HKDC1: variants seen among roughly 807,000 people sequenced by gnomAD.
The protein encoded by HKDC1 is hexokinase HKDC1.
In HKDC1, 66 loss-of-function variants were observed where a neutral mutation model predicts 96.6. That is an observed-to-expected ratio of 0.68 (90% CI 0.56 to 0.84). The LOEUF is 0.84. Ranked by LOEUF, HKDC1 falls within the 40% of genes least tolerant of loss-of-function variation. The pLI, the probability that HKDC1 is intolerant of heterozygous loss-of-function variation, is 0.00. For missense variants in HKDC1, 1,211 were observed against 1,208.1 expected, an observed-to-expected ratio of 1.00 and a Z score of -0.04; for synonymous variants, 466 against 473.1, an observed-to-expected ratio of 0.98 and a Z score of 0.20.
At chr10:69,249,488 A>AT (rs1457524817) in intron 10 of HKDC1, among the ~76,000 whole-genome samples, 3 of 152,040 alleles carry the variant, frequency 2.0e-5, no homozygotes, top group African/African-American at 7.2e-5. Context: ...GACACTGTTT[A>AT]TTTTATTTTT....
intron 13 of HKDC1, 50 bp downstream of exon 13, chr10:69,257,181 C>A: frequency 6.5e-7 from 1 of 1,540,030 alleles, no homozygotes. Flanking sequence ...CTTCCCCAGG[C>A]CCCTCTGCTC....
intron 1 of HKDC1, among the ~76,000 whole-genome samples, chr10:69,220,847 T>C (rs1274501310): frequency 6.6e-6 from 1 of 152,074 alleles, no homozygotes; most frequent in African/African-American, 2.4e-5. Context: ...CAAAGAAGTT[T>C]TAAGAACTGT....
chr10:69,221,866 G>A (rs1427860125), intron 1 of HKDC1, among the ~76,000 whole-genome samples: 3 of 151,834 alleles, frequency 2.0e-5, no homozygotes, highest in Admixed American at 6.6e-5. Context: ...CCGGGAGACT[G>A]CGCTACTGCA....
Position 69,226,821 on chromosome 10 carries a change from T to G in HKDC1, c.64-386T>G, listed in dbSNP as rs116314516. ...AGCTTCCATGTTTAGAAATCTACGA[T>G]TCAAGCTCTAGCTGGCCTTTTTTGG... On this transcript the variant is annotated intron_variant, in intron 1 of 17. Coordinates refer to ENST00000354624, the MANE Select transcript of HKDC1 (RefSeq NM_025130.4). Among the ~76,000 whole-genome samples the G allele has an allele frequency of 9.7e-3, 1,484 of 152,322 alleles. 14 individuals carry two copies. Among genetic ancestry groups the G allele is most frequent in the African/African-American group, 0.033 (1,376 of 41,570 alleles).
chr10:69,221,558 G>A (rs1179112625), intron 1 of HKDC1, among the ~76,000 whole-genome samples: 1 of 152,128 alleles, frequency 6.6e-6, no homozygotes, highest in Non-Finnish European at 1.5e-5. Context: ...GATGGAATGA[G>A]GATTAAATCC....
At chr10:69,262,730 G>A (rs769197540) in intron 16 of HKDC1, among the ~76,000 whole-genome samples, 16 of 152,228 alleles carry the variant, frequency 1.1e-4, no homozygotes, top group Middle Eastern at 3.4e-3. Flanking sequence ...CAGCAGCAGC[G>A]ATTATGTATT....
rs1288175309 is a variant in HKDC1 at position 69,247,414 on chromosome 10, A to G, written c.1086A>G (p.Glu362=). The G allele has an allele frequency of 6.2e-6, 10 of 1,613,854 alleles. No homozygotes were observed. The highest frequency in any genetic ancestry group is 8.5e-6 in the Non-Finnish European group (10 of 1,179,934). The change falls in exon 9 of 18, where the codon GAA becomes GAG. Residue 362 remains glutamate (E), a synonymous_variant. Transcript: ENST00000354624. ...TREILVDLGL[E]PSEADCIAVQ... ...AGATCCTGGTGGACCTGGGTCTGGA[A>G]CCGTCTGAGGCTGACTGCATTGCCG... is the stretch of plus-strand genomic sequence containing the variant.
intron 1 of HKDC1, 46 bp from the exon 2 acceptor site, chr10:69,227,161 G>T: frequency 6.2e-7 from 1 of 1,607,904 alleles, no homozygotes; most frequent in Non-Finnish European, 8.5e-7. Context: ...CGACTGGAGG[G>T]TGAGGGCCCC....
chr10:69,228,852 C>T (rs182458583), intron 2 of HKDC1, among the ~76,000 whole-genome samples: 45 of 139,208 alleles, frequency 3.2e-4, no homozygotes, highest in Non-Finnish European at 6.0e-4. Context: ...GGTGACAGAG[C>T]GAGACGCCAT....
chr10:69,256,459 C>CATGCCTGTA (rs1843717497), intron 12 of HKDC1, among the ~76,000 whole-genome samples: 1 of 152,188 alleles, frequency 6.6e-6, no homozygotes, highest in Admixed American at 6.5e-5. Flanking sequence ...GTAATTCCAG[C>CATGCCTGTA]ACTTTTGGAG....
chr10:69,227,702 G>A (rs1843183878), intron 2 of HKDC1, among the ~76,000 whole-genome samples: 1 of 152,172 alleles, frequency 6.6e-6, no homozygotes, highest in South Asian at 2.1e-4. Context: ...AAGTATCCCT[G>A]TGCTGGGCTG....
chr10:69,232,954 G>A (rs1355304293), intron 3 of HKDC1, 42 bp downstream of exon 3: 1 of 1,612,050 alleles, frequency 6.2e-7, no homozygotes, highest in Non-Finnish European at 8.5e-7. Flanking sequence ...GAAGGCGGTG[G>A]CATCCGTGTG....
intron 5 of HKDC1, among the ~76,000 whole-genome samples, chr10:69,239,377 C>T (rs1382868357): frequency 6.6e-6 from 1 of 152,238 alleles, no homozygotes; most frequent in Non-Finnish European, 1.5e-5. Flanking sequence ...GCCAGCTCAT[C>T]CCTGGGCCTC....
intron 7 of HKDC1, 109 bp from the exon 8 acceptor site, chr10:69,245,970 C>T: frequency 1.5e-6 from 2 of 1,358,184 alleles, no homozygotes; most frequent in Non-Finnish European, 2.0e-6. Context: ...AATCTTAGCT[C>T]AGCCCTCTCC....
intron 4 of HKDC1, among the ~76,000 whole-genome samples, chr10:69,238,039 T>C (rs1033818088): frequency 6.6e-6 from 1 of 152,246 alleles, no homozygotes; most frequent in Admixed American, 6.5e-5. Context: ...TTATTTGCGA[T>C]TTCAGACACG....
At chr10:69,252,643 CA>C (rs71471534) in intron 12 of HKDC1, among the ~76,000 whole-genome samples, 379 of 64,558 alleles carry the variant, frequency 5.9e-3, no homozygotes, top group Middle Eastern at 0.018. Flanking sequence ...GACTCTGTCT[CA>C]AAAAAAAAAA....
rs1038978400 is a variant in HKDC1 at position 69,238,603 on chromosome 10, C to T, written c.496-439C>T. 1.7e-4 allele frequency among the ~76,000 whole-genome samples: 5 copies of T among 29,658 alleles called. 2 individuals carry two copies. Among genetic ancestry groups the T allele is most frequent in the African/African-American group, 3.9e-4 (2 of 5,114 alleles). 19.5% of individuals were successfully genotyped at this position (29,658 alleles called of 152,430 possible). ...TTGTTAGCCAGGATGGTCTCGATCTCCTGACCTCATGATCCACCCGCCTCG... is the reference window on the plus strand; with the variant it reads ...TTGTTAGCCAGGATGGTCTCGATCTTCTGACCTCATGATCCACCCGCCTCG... On this transcript the variant is annotated intron_variant, in intron 4 of 17. Transcript: ENST00000354624.
chr10:69,232,676 G>A (rs189831527), intron 2 of HKDC1, 88 bp from the exon 3 acceptor site: 13 of 1,242,474 alleles, frequency 1.0e-5, no homozygotes, highest in African/African-American at 7.4e-5. Context: ...ATTTGAAGAC[G>A]TTGATTATAT....
At chr10:69,232,242 G>T (rs946764340) in intron 2 of HKDC1, 5 of 158,002 alleles carry the variant, frequency 3.2e-5, no homozygotes, top group Admixed American at 1.8e-4. Context: ...AGCATCCTTG[G>T]CACCTCAAGG....
Sources: gnomAD v4.1 joint callset for allele counts (sites outside exome capture counted in the v4.1 genomes callset) on GRCh38, gnomAD v4.1.1 for gene constraint, MANE v1.5 for transcripts, NCBI Gene and HGNC (gene_info 2026-07-23, HGNC 2026-07-21) for gene names.